TUBGCP6: variants seen among roughly 807,000 people sequenced by gnomAD.
TUBGCP6 encodes the protein tubulin gamma complex component 6, also known as gamma-tubulin complex component 6.
A neutral mutation model predicts 175.8 loss-of-function variants in TUBGCP6; 161 were observed. The ratio of observed to expected loss-of-function variants is 0.92; its 90% CI spans 0.81 to 1.04. The LOEUF is 1.04. TUBGCP6 is among the 50% of genes least tolerant of loss of function. The pLI, the probability that TUBGCP6 is intolerant of heterozygous loss-of-function variation, is 0.00. For synonymous variants in TUBGCP6, 1,173 were observed against 1,030.5 expected, an observed-to-expected ratio of 1.14 and a Z score of -2.65; for missense variants, 2,572 against 2,433.0, an observed-to-expected ratio of 1.06 and a Z score of -1.20.
chr22:50,244,536 G>T lies in TUBGCP6; in HGVS notation c.-77C>A, dbSNP rs987343395. 2 of 1,485,242 alleles carry T rather than the reference G, an allele frequency of 1.3e-6. No individual in the cohort carries two copies. Among genetic ancestry groups the T allele is most frequent in the African/African-American group, 2.8e-5 (2 of 71,442 alleles). 92.0% of individuals were successfully genotyped at this position (1,485,242 alleles called of 1,614,324 possible). On this transcript the variant is annotated 5_prime_UTR_variant, in exon 1 of 25. Transcript: ENST00000248846. Reference sequence around the variant, plus strand: ...CTTCACTCACGCTCCGGAAGACAGGGAGTGAGAGAGGGTCCGAAGAGGCTG... The same window carrying T: ...CTTCACTCACGCTCCGGAAGACAGGTAGTGAGAGAGGGTCCGAAGAGGCTG...
chr22:50,240,419 A>G, intron 1 of TUBGCP6, 52 bp from the exon 2 acceptor site: 3 of 1,599,816 alleles, frequency 1.9e-6, no homozygotes, highest in Non-Finnish European at 2.6e-6. Context: ...TCCACGTTTC[A>G]TCCAAGGGCG....
intron 2 of TUBGCP6, among the ~76,000 whole-genome samples, chr22:50,233,798 G>A (rs138067292): frequency 2.0e-5 from 3 of 152,214 alleles, no homozygotes; most frequent in African/African-American, 7.2e-5. Flanking sequence ...CATGGCCGGG[G>A]GTATCCGACT....
chr22:50,232,761 ATTT>A (rs2064710506), intron 3 of TUBGCP6, among the ~76,000 whole-genome samples: 1 of 152,258 alleles, frequency 6.6e-6, no homozygotes, highest in Non-Finnish European at 1.5e-5. Context: ...ATAAAAGAAC[ATTT>A]AAGACAAAGG....
In TUBGCP6 at chr22:50,244,114, G is replaced by A. The variant is rs1379947109; in HGVS notation, c.346C>T (p.Gln116Ter). Residue 116 changes from glutamine to a stop codon, truncating the protein, a stop_gained, in exon 1 of 25, where the codon CAG (glutamine) becomes TAG (stop). Coordinates refer to ENST00000248846, the MANE Select transcript of TUBGCP6 (RefSeq NM_020461.4). LOFTEE classifies it high-confidence loss of function. ...TGAGGGGGACCACTCCCTGCCAGCTGAACCAGGAGGTCCAAAACAGACCCC... is the reference window on the plus strand; with the variant it reads ...TGAGGGGGACCACTCCCTGCCAGCTAAACCAGGAGGTCCAAAACAGACCCC... ...EVGSVLDLLVQLAGSGPPQVL... is the reference protein window; with the variant it reads ...EVGSVLDLLV The A allele has an allele frequency of 2.5e-6, 4 of 1,613,650 alleles. No homozygotes were observed. Among genetic ancestry groups the A allele is most frequent in the Non-Finnish European group, 2.5e-6 (3 of 1,180,030 alleles).
rs1392211549 is a variant in TUBGCP6 at position 50,218,087 on chromosome 22, G to A, written c.5199C>T (p.Val1733=). 2 of 1,613,162 alleles carry A rather than the reference G, an allele frequency of 1.2e-6. No homozygotes were observed. The highest frequency in any genetic ancestry group is 1.7e-6 in the Non-Finnish European group (2 of 1,179,896). Residue 1733 remains valine, a synonymous_variant, in exon 24 of 25, where the codon GTC becomes GTT. Coordinates refer to ENST00000248846, the MANE Select transcript of TUBGCP6 (RefSeq NM_020461.4). ...RGLLTEKAAP[V]MNVIHSIFSL... ...TGAAGATGCTGTGGATGACGTTCAT[G>A]ACGGGCGCCGCCTTCTCCGTGAGCA...
chr22:50,232,016 T>A (rs1359454095), intron 3 of TUBGCP6, among the ~76,000 whole-genome samples: 1 of 144,748 alleles, frequency 6.9e-6, no homozygotes, highest in Non-Finnish European at 1.5e-5. Context: ...AGCCCAGGAG[T>A]TCAACACCAG....
chr22:50,231,385 CGG>C (rs2064688496), intron 3 of TUBGCP6, among the ~76,000 whole-genome samples: 1 of 143,648 alleles, frequency 7.0e-6, no homozygotes, highest in Non-Finnish European at 1.5e-5. Flanking sequence ...ACCCAGGAGG[CGG>C]AGGCTGCAGT....
At position 50,225,867 on chromosome 22, in the gene TUBGCP6, T is replaced by C; in HGVS notation, c.1910A>G (p.Glu637Gly). 6.2e-7 allele frequency: 1 copy of C among 1,613,838 alleles called. No homozygotes were observed. The highest frequency in any genetic ancestry group is 8.5e-7 in the Non-Finnish European group (1 of 1,179,976). ...CCCAACGTAGACGGCACAGTCCTTC[T>C]CAATCTCCTTCAACTCCTCAAGGGA... ...IFSLEELKEI[E>G]KDCAVYVGRM... The change falls in exon 10 of 25, where the codon GAG becomes GGG. Residue 637 changes from glutamate (E) to glycine (G), a missense_variant. By Grantham distance (98) the Glu-to-Gly change is moderately conservative. Coordinates refer to ENST00000248846, the MANE Select transcript of TUBGCP6 (RefSeq NM_020461.4).
At position 50,244,065 on chromosome 22, in the gene TUBGCP6, T is replaced by C. The variant is rs1334859443; in HGVS notation, c.395A>G (p.Tyr132Cys). The change falls in exon 1 of 25, where the codon TAC (tyrosine) becomes TGC (cysteine). Residue 132 changes from tyrosine to cysteine, a missense_variant. Coordinates refer to ENST00000248846, the MANE Select transcript of TUBGCP6 (RefSeq NM_020461.4). Reference protein sequence around the residue: ...PPQVLPRKRDYFLNNKHVGRN... With the variant: ...PPQVLPRKRDCFLNNKHVGRN... The stretch of plus-strand genomic sequence containing the variant: ...CCCCACATGCTTGTTGTTAAGGAAG[T>C]AGTCTCGTTTTCTCGGCAGAACTTG... 1 of 1,613,980 alleles carries C rather than the reference T, an allele frequency of 6.2e-7. No homozygotes were observed. The highest frequency in any genetic ancestry group is 1.1e-5 in the South Asian group (1 of 91,088).
chr22:50,238,489 A>G (rs2147211044), intron 2 of TUBGCP6, among the ~76,000 whole-genome samples: 1 of 151,458 alleles, frequency 6.6e-6, no homozygotes, highest in Admixed American at 6.6e-5. Flanking sequence ...AAAAAATACT[A>G]TTAGCAGACA....
In TUBGCP6 at chr22:50,218,910, G is replaced by C. The variant is rs781165862; in HGVS notation, c.4627-13C>G. 6.2e-7 allele frequency: 1 copy of C among 1,604,076 alleles called. No individual in the cohort carries two copies. The highest frequency in any genetic ancestry group is 1.1e-5 in the South Asian group (1 of 90,242). On this transcript the variant is annotated splice_polypyrimidine_tract_variant and intron_variant, in intron 20 of 24. Coordinates refer to ENST00000248846, the MANE Select transcript of TUBGCP6 (RefSeq NM_020461.4). ...GCCCAGCTCCAAGCTAGGCAGAAAAGGGACCACCGTCCCCAGGAGTCCCAA... is the reference window on the plus strand; with the variant it reads ...GCCCAGCTCCAAGCTAGGCAGAAAACGGACCACCGTCCCCAGGAGTCCCAA...
In TUBGCP6 at chr22:50,233,302, T is replaced by A; in HGVS notation, c.1116+14A>T. ...AGCCCCACACCACTGTGGCGGGGAG[T>A]GAGCAGTTCTCACCTGGCAGAGCGA... is the stretch of plus-strand genomic sequence containing the variant. On this transcript the variant is annotated intron_variant, in intron 3 of 24. Coordinates refer to ENST00000248846, the MANE Select transcript of TUBGCP6 (RefSeq NM_020461.4). 1 of 1,599,544 alleles carries A rather than the reference T, an allele frequency of 6.3e-7. No individual in the cohort carries two copies. The highest frequency in any genetic ancestry group is 8.5e-7 in the Non-Finnish European group (1 of 1,172,264).
chr22:50,222,420 G>A (rs1387585704), intron 14 of TUBGCP6, 34 bp downstream of exon 14: 2 of 1,611,368 alleles, frequency 1.2e-6, no homozygotes, highest in Non-Finnish European at 8.5e-7. Context: ...CCAAAGCCCA[G>A]GGGAAGAGCT....
Position 50,221,182 on chromosome 22 carries a change from G to T in TUBGCP6, c.3177C>A (p.Ala1059=). ...ACACATTCTCCCCGACCCTGATGCT[G>T]GCGTCAGACACGTGCCCGTGGGTGT... ...RWNTHGHVSD[A]SIRVGENVSD... The change falls in exon 16 of 25, where the codon GCC becomes GCA. Residue 1059 remains alanine, a synonymous_variant. Coordinates refer to ENST00000248846, the MANE Select transcript of TUBGCP6 (RefSeq NM_020461.4). 1 of 1,608,224 alleles carries T rather than the reference G, an allele frequency of 6.2e-7. No homozygotes were observed. The highest frequency in any genetic ancestry group is 8.5e-7 in the Non-Finnish European group (1 of 1,175,122).
At chr22:50,229,890 G>A (rs569432806) in intron 3 of TUBGCP6, among the ~76,000 whole-genome samples, 3 of 152,264 alleles carry the variant, frequency 2.0e-5, no homozygotes, top group East Asian at 3.9e-4. Flanking sequence ...AAAACATGAC[G>A]GCCGTGAGAC....
chr22:50,227,188 T>G, intron 5 of TUBGCP6, 111 bp from the exon 6 acceptor site: 1 of 993,832 alleles, frequency 1.0e-6, no homozygotes, highest in Non-Finnish European at 1.5e-6. Context: ...GGCAACTAAC[T>G]TTAGATGCAG....
chr22:50,237,172 G>A (rs906568697), intron 2 of TUBGCP6, among the ~76,000 whole-genome samples: 28 of 152,352 alleles, frequency 1.8e-4, no homozygotes, highest in African/African-American at 1.4e-4. Flanking sequence ...AGGGAGGGCC[G>A]TGAGCAGTCG....
At chr22:50,230,562 C>T (rs1000981990) in intron 3 of TUBGCP6, among the ~76,000 whole-genome samples, 1 of 150,960 alleles carries the variant, frequency 6.6e-6, no homozygotes, top group Admixed American at 6.6e-5. Flanking sequence ...GCTGAGATCA[C>T]GCCTTTGCAC....
At chr22:50,230,802 G>C (rs1280283337) in intron 3 of TUBGCP6, among the ~76,000 whole-genome samples, 4 of 149,706 alleles carry the variant, frequency 2.7e-5, no homozygotes, top group Non-Finnish European at 5.9e-5. Flanking sequence ...AAGAAAAACA[G>C]GCTGGACGCA....
Sources: gnomAD v4.1 joint callset for allele counts (sites outside exome capture counted in the v4.1 genomes callset) on GRCh38, gnomAD v4.1.1 for gene constraint, MANE v1.5 for transcripts, NCBI Gene and HGNC (gene_info 2026-07-23, HGNC 2026-07-21) for gene names.